The following CORIN variants were observed in gnomAD, a reference collection of about 807,000 sequenced individuals.
CORIN encodes atrial natriuretic peptide-converting enzyme.
CORIN carries 117 observed loss-of-function variants against 125.3 expected under a neutral mutation model. The observed-to-expected ratio is 0.93, with a 90% CI of 0.80 to 1.09. CORIN has a LOEUF of 1.09. CORIN is among the 50% of genes least tolerant of loss of function. The pLI is 0.00. For synonymous variants in CORIN, 450 were observed against 466.4 expected, an observed-to-expected ratio of 0.96 and a Z score of 0.45; for missense variants, 1,253 against 1,306.7, an observed-to-expected ratio of 0.96 and a Z score of 0.63.
At chr4:47,680,891 C>T (rs965632026) in intron 7 of CORIN, 8 of 152,222 alleles carry the variant, frequency 5.3e-5, no homozygotes, top group African/African-American at 1.9e-4. Flanking sequence ...GTTGGGACTA[C>T]AAGGAATATG....
chr4:47,806,887 T>C lies in CORIN; in HGVS notation c.208+16A>G. The stretch of plus-strand genomic sequence containing the variant: ...TCACTTTAACTTCATTTTTATTTAA[T>C]AATGGCCTCACCCACCAACATAGGA... On this transcript the variant is annotated intron_variant, in intron 2 of 21. Transcript: ENST00000273857. 1.2e-6 allele frequency: 2 copies of C among 1,601,482 alleles called. No homozygotes were observed. The highest frequency in any genetic ancestry group is 1.7e-6 in the Non-Finnish European group (2 of 1,175,736).
intron 5 of CORIN, among the ~76,000 whole-genome samples, chr4:47,695,079 G>C (rs1725927348): frequency 6.6e-6 from 1 of 152,090 alleles, no homozygotes; most frequent in South Asian, 2.1e-4. Flanking sequence ...TATCCAACAT[G>C]TTTAGTATGG....
At chr4:47,746,325 A>C (rs1435190789) in intron 4 of CORIN, among the ~76,000 whole-genome samples, 2 of 152,216 alleles carry the variant, frequency 1.3e-5, no homozygotes, top group Non-Finnish European at 2.9e-5. Flanking sequence ...GATTTCTCAG[A>C]ACAGGATGAG....
intron 16 of CORIN, among the ~76,000 whole-genome samples, chr4:47,637,324 A>G (rs537248135): frequency 6.6e-6 from 1 of 152,320 alleles, no homozygotes; most frequent in African/African-American, 2.4e-5. Flanking sequence ...AGAAAATACC[A>G]TTTTCTGAGG....
intron 4 of CORIN, 118 bp from the exon 5 acceptor site, chr4:47,744,701 T>C (rs1728584301): frequency 5.3e-6 from 5 of 940,336 alleles, no homozygotes; most frequent in South Asian, 2.2e-5. Flanking sequence ...ATACTTACTA[T>C]AGTCAGCAAC....
rs74503412 is a variant in CORIN, at chr4:47,653,507, T to C, written c.1843+46A>G. ...TTTAACACAGTTTCTTATTTTATTC[T>C]AGTTATCACTGTACATTCAAGAAAA... is the stretch of plus-strand genomic sequence containing the variant. On this transcript the variant is annotated intron_variant, in intron 13 of 21. Coordinates refer to ENST00000273857, the MANE Select transcript of CORIN (RefSeq NM_006587.4). 8,751 of 1,433,538 alleles carry C rather than the reference T, an allele frequency of 6.1e-3. 438 individuals are homozygous for C. In the African/African-American group the frequency reaches 0.11, roughly 18 times the overall value. The allele number at this position is 1,433,538 out of a possible 1,614,324, so 88.8% of individuals were successfully genotyped here.
chr4:47,778,781 G>T (rs75422924), intron 3 of CORIN, among the ~76,000 whole-genome samples: 131 of 152,270 alleles, frequency 8.6e-4, no homozygotes, highest in African/African-American at 3.0e-3. Context: ...AACAATGGGG[G>T]TCTAACACTA....
At position 47,623,576 on chromosome 4, in the gene CORIN, G is replaced by A. The variant is rs200808483; in HGVS notation, c.2535C>T (p.Phe845=). ...KKWVLTVAHC[F]EGRENAAVWK... The stretch of plus-strand genomic sequence containing the variant: ...AAAGGAAAGGTGCAGCTTACCCCTC[G>A]AAGCAGTGGGCAACTGTCAGAACCC... The change falls in exon 19 of 22, where the codon TTC becomes TTT. Residue 845 remains phenylalanine, a synonymous_variant. Coordinates refer to ENST00000273857, the MANE Select transcript of CORIN (RefSeq NM_006587.4). The A allele has an allele frequency of 4.6e-5, 74 of 1,613,990 alleles. No individual in the cohort carries two copies. The East Asian group carries it at 1.3e-3, about 28-fold the overall frequency.
At chr4:47,651,993 T>C (rs780412703) in intron 13 of CORIN, among the ~76,000 whole-genome samples, 2 of 152,216 alleles carry the variant, frequency 1.3e-5, no homozygotes, top group East Asian at 3.8e-4. Context: ...CAAAGTATCA[T>C]GCAACCTCTT....
chr4:47,806,886 A>G lies in CORIN; in HGVS notation c.208+17T>C. On this transcript the variant is annotated intron_variant, in intron 2 of 21. Coordinates refer to ENST00000273857, the MANE Select transcript of CORIN (RefSeq NM_006587.4). The stretch of plus-strand genomic sequence containing the variant: ...TTCACTTTAACTTCATTTTTATTTA[A>G]TAATGGCCTCACCCACCAACATAGG... 6.2e-7 allele frequency: 1 copy of G among 1,600,770 alleles called. No individual in the cohort carries two copies. The highest frequency in any genetic ancestry group is 8.5e-7 in the Non-Finnish European group (1 of 1,175,418).
intron 2 of CORIN, 145 bp from the exon 3 acceptor site, chr4:47,787,070 T>C: frequency 1.6e-6 from 1 of 640,846 alleles, no homozygotes. Flanking sequence ...ATGAAAGCCG[T>C]AATAGTGACC....
intron 5 of CORIN, among the ~76,000 whole-genome samples, chr4:47,741,981 G>T (rs937966488): frequency 6.6e-6 from 1 of 151,892 alleles, no homozygotes; most frequent in Non-Finnish European, 1.5e-5. Context: ...TATTATAGAT[G>T]ATTATGATGG....
chr4:47,640,845 A>G (rs1723206207), intron 16 of CORIN, among the ~76,000 whole-genome samples: 1 of 152,208 alleles, frequency 6.6e-6, no homozygotes, highest in African/African-American at 2.4e-5. Context: ...AAAAATAAAA[A>G]TAACCATATT....
At chr4:47,725,369 G>C (rs1011513681) in intron 5 of CORIN, among the ~76,000 whole-genome samples, 3 of 152,028 alleles carry the variant, frequency 2.0e-5, no homozygotes, top group Admixed American at 6.5e-5. Context: ...TCTTTGTTAA[G>C]TCTTAATATC....
At chr4:47,741,841 A>T (rs774782246) in intron 5 of CORIN, among the ~76,000 whole-genome samples, 55 of 152,024 alleles carry the variant, frequency 3.6e-4, no homozygotes, top group Non-Finnish European at 5.9e-4. Flanking sequence ...ATTCATATTA[A>T]ATGTCCAAAA....
intron 3 of CORIN, among the ~76,000 whole-genome samples, chr4:47,769,937 A>T (rs1000854119): frequency 9.9e-5 from 15 of 152,154 alleles, no homozygotes; most frequent in African/African-American, 3.6e-4. Flanking sequence ...GGGAAAGCTC[A>T]GTGACATTGG....
intron 19 of CORIN, among the ~76,000 whole-genome samples, chr4:47,614,842 T>C (rs975721157): frequency 6.6e-6 from 1 of 151,634 alleles, no homozygotes; most frequent in Non-Finnish European, 1.5e-5. Context: ...GCAGATGGAG[T>C]TCATGTCTTC....
intron 1 of CORIN, among the ~76,000 whole-genome samples, chr4:47,832,978 C>G (rs73818027): frequency 1.3e-5 from 2 of 152,246 alleles, no homozygotes; most frequent in African/African-American, 4.8e-5. Context: ...CTAAGAGCTA[C>G]TCCATTGCAT....
At chr4:47,729,564 A>C (rs1338891314) in intron 5 of CORIN, among the ~76,000 whole-genome samples, 1 of 152,212 alleles carries the variant, frequency 6.6e-6, no homozygotes, top group East Asian at 1.9e-4. Flanking sequence ...CAGATAATGT[A>C]GAGTGGGATG....
Sources: gnomAD v4.1 joint callset for allele counts (sites outside exome capture counted in the v4.1 genomes callset) on GRCh38, gnomAD v4.1.1 for gene constraint, MANE v1.5 for transcripts, NCBI Gene and HGNC (gene_info 2026-07-23, HGNC 2026-07-21) for gene names.